FAM227B: variants seen among roughly 807,000 people sequenced by gnomAD.
FAM227B encodes the protein family with sequence similarity 227 member B, also known as protein FAM227B.
In FAM227B, 88 loss-of-function variants were observed where a neutral mutation model predicts 73.8. That is an observed-to-expected ratio of 1.19 (90% CI 1.00 to 1.42). The LOEUF is 1.42. Ranked by LOEUF, FAM227B falls within the 40% of genes most tolerant of loss-of-function variation. FAM227B has a pLI of 0.00. For missense variants in FAM227B, 632 were observed against 590.9 expected (o/e 1.07, Z -0.72); for synonymous variants, 210 against 190.5 (o/e 1.10, Z -0.84).
intron 11 of FAM227B, among the ~76,000 whole-genome samples, chr15:49,418,035 T>C (rs994556939): frequency 3.3e-5 from 5 of 152,094 alleles, no homozygotes; most frequent in Admixed American, 2.6e-4. Context: ...TGAAAAGACA[T>C]ACATGTGTCT....
intron 2 of FAM227B, among the ~76,000 whole-genome samples, chr15:49,612,527 A>C (rs891616142): frequency 5.3e-5 from 8 of 152,116 alleles, no homozygotes; most frequent in African/African-American, 1.9e-4. Flanking sequence ...CATAATAAGT[A>C]CTCGCAGTGT....
chr15:49,368,043 T>A (rs2045488088), intron 12 of FAM227B, among the ~76,000 whole-genome samples: 2 of 151,854 alleles, frequency 1.3e-5, no homozygotes, highest in Admixed American at 1.3e-4. Flanking sequence ...TTTTTTAAAA[T>A]AAAGACAAGG....
intron 9 of FAM227B, among the ~76,000 whole-genome samples, chr15:49,561,617 T>G (rs948848942): frequency 2.0e-5 from 3 of 152,126 alleles, no homozygotes; most frequent in Non-Finnish European, 4.4e-5. Flanking sequence ...TGCTCAGCCA[T>G]GAAGCAGGTC....
intron 12 of FAM227B, among the ~76,000 whole-genome samples, chr15:49,369,252 C>G (rs548236068): frequency 6.6e-6 from 1 of 152,096 alleles, no homozygotes; most frequent in Non-Finnish European, 1.5e-5. Flanking sequence ...CCACTGCACC[C>G]GGCCTGGTGT....
intron 11 of FAM227B, among the ~76,000 whole-genome samples, chr15:49,502,320 G>C (rs2058208830): frequency 6.6e-6 from 1 of 152,236 alleles, no homozygotes. Flanking sequence ...ACCTGTGAGA[G>C]CAGCTGTGGA....
intron 9 of FAM227B, among the ~76,000 whole-genome samples, chr15:49,550,087 G>GCA (rs2072655539): frequency 9.1e-6 from 1 of 109,598 alleles, no homozygotes; most frequent in Admixed American, 8.9e-5. Flanking sequence ...CTCCTGGACG[G>GCA]GGGCGGCTGG....
intron 11 of FAM227B, among the ~76,000 whole-genome samples, chr15:49,411,516 C>T (rs1300181365): frequency 2.0e-5 from 3 of 151,800 alleles, no homozygotes; most frequent in South Asian, 2.1e-4. Context: ...CACAATATGT[C>T]GACATGCTGA....
chr15:49,465,514 T>A (rs376969309), intron 11 of FAM227B, among the ~76,000 whole-genome samples: 1 of 152,124 alleles, frequency 6.6e-6, no homozygotes. Context: ...AGAAAACATA[T>A]GTAAGTTGTT....
intron 13 of FAM227B, among the ~76,000 whole-genome samples, chr15:49,359,632 C>T (rs925716011): frequency 7.8e-6 from 1 of 128,320 alleles, no homozygotes; most frequent in African/African-American, 3.0e-5. Context: ...CACTTTTACA[C>T]TGTTGGTGGG....
chr15:49,513,113 T>A (rs996160915), intron 10 of FAM227B, among the ~76,000 whole-genome samples: 17 of 152,340 alleles, frequency 1.1e-4, no homozygotes, highest in Admixed American at 3.3e-4. Context: ...CCTTTGGGTA[T>A]ATATCTAGCA....
intron 11 of FAM227B, among the ~76,000 whole-genome samples, chr15:49,412,915 A>G (rs1317192419): frequency 7.9e-5 from 12 of 152,132 alleles, no homozygotes; most frequent in Admixed American, 7.9e-4. Context: ...TCTCTGATCC[A>G]GAATGAATTG....
chr15:49,589,697 G>T, intron 4 of FAM227B, 79 bp downstream of exon 4: 1 of 889,162 alleles, frequency 1.1e-6, no homozygotes, highest in South Asian at 1.5e-5. Context: ...AGGATCACTT[G>T]AGGCCAAGAT....
rs189186707 is a variant in FAM227B at position 49,348,814 on chromosome 15, C to A, written c.1272-13318G>T. On this transcript the variant is annotated intron_variant, in intron 13 of 15. Transcript: ENST00000299338. ...AATATTTATAGCAAGAAGGCTTTTACCCCAGCCTTTGATATTCACTTAAAC... is the reference window on the plus strand; with the variant it reads ...AATATTTATAGCAAGAAGGCTTTTAACCCAGCCTTTGATATTCACTTAAAC... Among the ~76,000 whole-genome samples, 970 of 152,256 alleles carry A rather than the reference C, an allele frequency of 6.4e-3. 14 individuals carry two copies. Among genetic ancestry groups the A allele is most frequent in the African/African-American group, 0.022 (914 of 41,554 alleles).
intron 1 of FAM227B, among the ~76,000 whole-genome samples, chr15:49,619,982 G>A (rs941476958): frequency 6.6e-6 from 1 of 152,164 alleles, no homozygotes; most frequent in Non-Finnish European, 1.5e-5. Context: ...TACATGCGCT[G>A]ATATTTCCAA....
rs373968562 is a variant in FAM227B, at chr15:49,407,647, ATAT to A, written c.1013-36251_1013-36249del. Among the ~76,000 whole-genome samples, 146 of 147,984 alleles carry A rather than the reference ATAT, an allele frequency of 9.9e-4. 1 individual carries two copies. Among genetic ancestry groups the A allele is most frequent in the African/African-American group, 2.7e-3 (110 of 40,816 alleles). On this transcript the variant is annotated intron_variant, in intron 11 of 15. Transcript: ENST00000299338. ...TATATATGTATTTAATATATATATT[ATAT>A]TATTATTATATTAATTATATATAGT...
chr15:49,613,757 T>C lies in FAM227B; in HGVS notation c.51+1364A>G, dbSNP rs138415929. Among the ~76,000 whole-genome samples, 280 of 152,182 alleles carry C rather than the reference T, an allele frequency of 1.8e-3. 3 individuals carry two copies. The highest frequency in any genetic ancestry group is 0.011 in the South Asian group (52 of 4,820). On this transcript the variant is annotated intron_variant, in intron 2 of 15. Coordinates refer to ENST00000299338, the MANE Select transcript of FAM227B (RefSeq NM_152647.3). ...TATGCCATAAATATATATATACTTATGATGTACCCTTAAAAATTAAAAATA... is the reference window on the plus strand; with the variant it reads ...TATGCCATAAATATATATATACTTACGATGTACCCTTAAAAATTAAAAATA...
intron 11 of FAM227B, chr15:49,489,326 G>A (rs557851499): frequency 2.0e-6 from 2 of 981,104 alleles, no homozygotes; most frequent in South Asian, 9.4e-5. Context: ...AGAAAGAGAT[G>A]AAATATGTAT....
At chr15:49,509,386 G>T (rs1238344064) in intron 10 of FAM227B, among the ~76,000 whole-genome samples, 3 of 152,094 alleles carry the variant, frequency 2.0e-5, no homozygotes, top group Admixed American at 1.3e-4. Flanking sequence ...GGTTAATACT[G>T]TCCAGTATTG....
intron 11 of FAM227B, among the ~76,000 whole-genome samples, chr15:49,407,798 A>C (rs1410514311): frequency 1.3e-5 from 2 of 151,928 alleles, no homozygotes; most frequent in Admixed American, 1.3e-4. Context: ...CAATCAAGAT[A>C]TAGAACTGTT....
Sources: allele counts gnomAD v4.1 joint callset (sites outside exome capture counted in the v4.1 genomes callset), GRCh38; gene constraint gnomAD v4.1.1; transcripts MANE v1.5; gene names NCBI Gene and HGNC (gene_info 2026-07-23, HGNC 2026-07-21).